GEMIN8: variants seen among roughly 807,000 people sequenced by gnomAD.
The protein encoded by GEMIN8 is gem nuclear organelle associated protein 8, also known as gem-associated protein 8.
For missense variants in GEMIN8, 185 were observed against 205.9 expected (o/e 0.90, Z 0.62); for synonymous variants, 80 against 78.5 (o/e 1.02, Z -0.10).
At chrX:14,026,102 G>A in intron 2 of GEMIN8, 38 bp downstream of exon 2, 1 of 731,906 alleles carries the variant, frequency 1.4e-6, no homozygotes, top group Non-Finnish European at 1.6e-6. Context: ...ATGCCCTTTG[G>A]TCTTTAATGG....
intron 1 of GEMIN8, chrX:14,027,134 T>C (rs1924739426): frequency 8.9e-6 from 1 of 112,905 alleles, no homozygotes; most frequent in Non-Finnish European, 1.9e-5. Context: ...AATAACCCTA[T>C]CACAGAAGAT....
the GEMIN8 span, among the ~76,000 whole-genome samples, chrX:13,988,354 C>T: frequency 9.0e-6 from 1 of 110,712 alleles, no homozygotes; most frequent in Admixed American, 9.7e-5. Flanking sequence ...GATGGTATTT[C>T]CACATATGAG....
intron 1 of GEMIN8, among the ~76,000 whole-genome samples, chrX:14,028,106 G>A (rs1371266239): frequency 2.7e-5 from 3 of 112,217 alleles, no homozygotes; most frequent in Non-Finnish European, 5.6e-5. Context: ...GTAATTCCAT[G>A]TTAATCTCTC....
In GEMIN8 at chrX:14,008,673, G is replaced by A; in HGVS notation, c.*240C>T. On this transcript the variant is annotated 3_prime_UTR_variant, in exon 5 of 5. Coordinates refer to ENST00000680255, the MANE Select transcript of GEMIN8 (RefSeq NM_001042479.2). Reference sequence around the variant, plus strand: ...ACCAACAACATAAAAAACCAGTATAGTATATGCAAAATTATTTTATGTCAG... The same window carrying A: ...ACCAACAACATAAAAAACCAGTATAATATATGCAAAATTATTTTATGTCAG... 2.4e-6 allele frequency: 1 copy of A among 415,747 alleles called. No homozygotes were observed. Among genetic ancestry groups the A allele is most frequent in the Non-Finnish European group, 4.2e-6 (1 of 239,415 alleles). 34.3% of individuals were successfully genotyped at this position (415,747 alleles called of 1,213,427 possible).
downstream of GEMIN8, among the ~76,000 whole-genome samples, chrX:14,002,314 A>C (rs1296095199): frequency 1.1e-5 from 1 of 92,408 alleles, no homozygotes; most frequent in Admixed American, 1.3e-4. Flanking sequence ...AGATGGGTAG[A>C]GATAGATAGA....
rs981245904 is a variant in GEMIN8, at chrX:14,007,846, C to T, written c.*1067G>A. Among the ~76,000 whole-genome samples, 1 of 109,968 alleles carries T rather than the reference C, an allele frequency of 9.1e-6. No homozygotes were observed. Among genetic ancestry groups the T allele is most frequent in the African/African-American group, 3.3e-5 (1 of 30,139 alleles). ...CGGGCCGGAATTATTGTTCTTTGCT[C>T]TCAATTCTGTATGACATCTAAGCTC... On this transcript the variant is annotated 3_prime_UTR_variant, in exon 5 of 5. Coordinates refer to ENST00000680255, the MANE Select transcript of GEMIN8 (RefSeq NM_001042479.2).
chrX:14,004,444 C>T (rs1923073220), downstream of GEMIN8, among the ~76,000 whole-genome samples: 1 of 112,635 alleles, frequency 8.9e-6, no homozygotes, highest in African/African-American at 3.2e-5. Flanking sequence ...ATTGCTGGGT[C>T]ATATGTGCCT....
intron 3 of GEMIN8, 138 bp from the exon 4 acceptor site, chrX:14,020,672 G>T (rs1246447338): frequency 1.5e-4 from 68 of 457,275 alleles, no homozygotes; most frequent in Middle Eastern, 4.9e-4. Context: ...GGAGGCTACT[G>T]GGCCCAAAAT....
the GEMIN8 span, among the ~76,000 whole-genome samples, chrX:13,985,381 A>C: frequency 7.2e-5 from 8 of 111,851 alleles, no homozygotes; most frequent in Non-Finnish European, 1.5e-4. Context: ...ATTAGTAACA[A>C]AGTTGATTAT....
At chrX:13,986,957 A>G in the GEMIN8 span, among the ~76,000 whole-genome samples, 1 of 112,663 alleles carries the variant, frequency 8.9e-6, no homozygotes, top group Non-Finnish European at 1.9e-5. Flanking sequence ...ATTTTTTAAT[A>G]GTTTTATTTA....
chrX:14,000,315 G>A, the GEMIN8 span, among the ~76,000 whole-genome samples: 2 of 108,611 alleles, frequency 1.8e-5, no homozygotes, highest in Non-Finnish European at 3.8e-5. Flanking sequence ...AAGAAATTTA[G>A]GCCGGGCGCA....
chrX:13,991,371 T>C, the GEMIN8 span, among the ~76,000 whole-genome samples: 1 of 111,951 alleles, frequency 8.9e-6, no homozygotes, highest in African/African-American at 3.2e-5. Flanking sequence ...CCTCCTAGGA[T>C]GACTGCAGCA....
At chrX:14,011,306 C>G (rs761268954) in intron 4 of GEMIN8, among the ~76,000 whole-genome samples, 2 of 111,044 alleles carry the variant, frequency 1.8e-5, no homozygotes, top group African/African-American at 6.6e-5. Context: ...TTCATACAGG[C>G]CTTTCCCACT....
chrX:14,002,362 GATAGATAGATAA>G (rs1347310163), downstream of GEMIN8, among the ~76,000 whole-genome samples: 1 of 108,578 alleles, frequency 9.2e-6, no homozygotes, highest in Admixed American at 9.8e-5. Flanking sequence ...TAGATAGATA[GATAGATAGATAA>G]ATAGAGTTCT....
At chrX:13,995,770 G>T in the GEMIN8 span, among the ~76,000 whole-genome samples, 19 of 111,536 alleles carry the variant, frequency 1.7e-4, no homozygotes, top group Non-Finnish European at 3.2e-4. Flanking sequence ...CCCTTGTGAT[G>T]ACATTGGGCC....
rs940331367 is a variant in GEMIN8, at chrX:14,022,068, G to A, written c.-33-557C>T. Among the ~76,000 whole-genome samples the A allele has an allele frequency of 1.6e-4, 16 of 99,357 alleles. 1 individual carries two copies. The South Asian group carries it at 5.0e-3, about 31-fold the overall frequency. 86.3% of individuals were successfully genotyped at this position (99,357 alleles called of 115,157 possible). A position where few individuals can be genotyped will look rare whatever the true frequency, so the allele number is the denominator to read the frequency against. On this transcript the variant is annotated intron_variant, in intron 2 of 4. Transcript: ENST00000680255. ...AATGTGTATATATATGTGTGTGTGT[G>A]TATATATATATACACACACACACAA...
the GEMIN8 span, among the ~76,000 whole-genome samples, chrX:13,990,176 T>C: frequency 5.9e-3 from 666 of 112,875 alleles, 11 homozygotes; most frequent in East Asian, 0.098. Context: ...ATTTCCATCA[T>C]TGAAGAAATT....
intron 1 of GEMIN8, 61 bp downstream of exon 1, chrX:14,029,716 C>T (rs1204227694): frequency 1.8e-5 from 2 of 112,958 alleles, no homozygotes; most frequent in Admixed American, 1.8e-4. Flanking sequence ...GAAGCCAGGG[C>T]CCGGGGCGTC....
the GEMIN8 span, among the ~76,000 whole-genome samples, chrX:13,986,915 T>C: frequency 8.9e-6 from 1 of 112,796 alleles, no homozygotes; most frequent in African/African-American, 3.2e-5. Flanking sequence ...CTAGGCTCTA[T>C]TGAAATGTAA....
Sources: allele counts gnomAD v4.1 joint callset (sites outside exome capture counted in the v4.1 genomes callset), GRCh38; gene constraint gnomAD v4.1.1; transcripts MANE v1.5; gene names NCBI Gene and HGNC (gene_info 2026-07-23, HGNC 2026-07-21).